The following CCSER1 variants were observed in gnomAD, a reference collection of about 807,000 sequenced individuals.
CCSER1 encodes serine-rich coiled-coil domain-containing protein 1.
Under a neutral mutation model 82.0 loss-of-function variants are expected in CCSER1, and 41 were observed. That is an observed-to-expected ratio of 0.50 (90% CI 0.39 to 0.65). The LOEUF is 0.65. Ranked by LOEUF, CCSER1 falls within the 30% of genes least tolerant of loss-of-function variation. CCSER1 has a pLI of 0.00. For missense variants in CCSER1, 1,119 were observed against 1,064.2 expected, an observed-to-expected ratio of 1.05 and a Z score of -0.72; for synonymous variants, 414 against 383.9, an observed-to-expected ratio of 1.08 and a Z score of -0.92.
rs1346669972 is a variant in CCSER1 at position 91,522,781 on chromosome 4, G to A, written c.2218-75791G>A. Among the ~76,000 whole-genome samples the A allele has an allele frequency of 5.3e-5, 8 of 152,150 alleles. No homozygotes were observed. In the South Asian group the frequency reaches 1.4e-3, roughly 28 times the overall value. On this transcript the variant is annotated intron_variant, in intron 10 of 10. Coordinates refer to ENST00000509176, the MANE Select transcript of CCSER1 (RefSeq NM_001145065.2). ...GCTTAAGGAGATTTTGGGCTGAGCTGATGGGGTTTTCTAAATATACAATCA... is the reference window on the plus strand; with the variant it reads ...GCTTAAGGAGATTTTGGGCTGAGCTAATGGGGTTTTCTAAATATACAATCA...
intron 7 of CCSER1, among the ~76,000 whole-genome samples, chr4:90,759,420 C>T (rs554712203): frequency 9.2e-5 from 14 of 152,032 alleles, no homozygotes; most frequent in South Asian, 2.1e-4. Flanking sequence ...ATAAATAAAA[C>T]GGGATTAAGA....
chr4:90,787,612 G>A (rs192647745), intron 7 of CCSER1, among the ~76,000 whole-genome samples: 10 of 152,256 alleles, frequency 6.6e-5, no homozygotes, highest in Admixed American at 4.6e-4. Flanking sequence ...AATGGAGATC[G>A]AGTATGTGTA....
At chr4:90,157,140 T>A (rs1362074550) in intron 1 of CCSER1, among the ~76,000 whole-genome samples, 1 of 152,180 alleles carries the variant, frequency 6.6e-6, no homozygotes, top group Non-Finnish European at 1.5e-5. Flanking sequence ...TGAAACTTAG[T>A]TTGGCTGGAT....
chr4:91,185,754 G>A (rs977586101), intron 10 of CCSER1, among the ~76,000 whole-genome samples: 13 of 152,062 alleles, frequency 8.5e-5, no homozygotes, highest in Non-Finnish European at 1.3e-4. Flanking sequence ...CCTATCTGGC[G>A]GCCTGACTCT....
chr4:90,622,317 C>T (rs889603829), intron 5 of CCSER1, among the ~76,000 whole-genome samples: 4 of 152,204 alleles, frequency 2.6e-5, no homozygotes, highest in Admixed American at 6.5e-5. Flanking sequence ...ATGTGCACAA[C>T]GTGCAGGTTT....
At chr4:91,545,824 T>C (rs1318425455) in intron 10 of CCSER1, among the ~76,000 whole-genome samples, 1 of 152,170 alleles carries the variant, frequency 6.6e-6, no homozygotes, top group Non-Finnish European at 1.5e-5. Flanking sequence ...AGTAAAATGT[T>C]GAAAACAGTG....
chr4:91,163,353 A>G (rs1213716648), intron 10 of CCSER1, among the ~76,000 whole-genome samples: 1 of 152,050 alleles, frequency 6.6e-6, no homozygotes, highest in Non-Finnish European at 1.5e-5. Flanking sequence ...ACTTCCACCT[A>G]TGTGGTCAAT....
chr4:90,308,613 A>G lies in CCSER1; in HGVS notation c.329A>G (p.Lys110Arg). 6.2e-7 allele frequency: 1 copy of G among 1,613,930 alleles called. No homozygotes were observed. The highest frequency in any genetic ancestry group is 8.5e-7 in the Non-Finnish European group (1 of 1,179,872). ...AAACTGAGTTTGGAAGAACATATTA[A>G]GACCAGGGGAAGACATTCTGTTGGT... ...MQKLSLEEHI[K>R]TRGRHSVGFS... The change falls in exon 2 of 11, where the codon AAG becomes AGG. Residue 110 changes from lysine (K) to arginine (R), a missense_variant. By Grantham distance (26) the Lys-to-Arg change is conservative. Coordinates refer to ENST00000509176, the MANE Select transcript of CCSER1 (RefSeq NM_001145065.2).
chr4:91,114,862 G>A (rs781446266), intron 10 of CCSER1, among the ~76,000 whole-genome samples: 6 of 152,068 alleles, frequency 3.9e-5, no homozygotes, highest in Non-Finnish European at 8.8e-5. Context: ...ATTTAAAATT[G>A]TACACTTATA....
chr4:90,597,416 A>G (rs1783471490), intron 5 of CCSER1, among the ~76,000 whole-genome samples: 1 of 152,068 alleles, frequency 6.6e-6, no homozygotes, highest in Non-Finnish European at 1.5e-5. Context: ...TGTGATTGGC[A>G]TACAATAAAC....
intron 5 of CCSER1, among the ~76,000 whole-genome samples, chr4:90,617,690 T>C (rs1721543504): frequency 6.6e-6 from 1 of 152,234 alleles, no homozygotes; most frequent in East Asian, 1.9e-4. Flanking sequence ...GATTGTAGTA[T>C]TTGTCTATGT....
At chr4:90,561,398 C>T (rs1329486443) in intron 5 of CCSER1, among the ~76,000 whole-genome samples, 2 of 152,214 alleles carry the variant, frequency 1.3e-5, no homozygotes, top group South Asian at 2.1e-4. Flanking sequence ...CAAGTGTTAA[C>T]TTTAATGTTT....
chr4:90,682,816 A>C (rs58107746), intron 6 of CCSER1, among the ~76,000 whole-genome samples: 1 of 152,040 alleles, frequency 6.6e-6, no homozygotes. Flanking sequence ...CAGATTTATT[A>C]ATCACTAAAT....
chr4:90,352,409 A>AT (rs934743944), intron 3 of CCSER1, among the ~76,000 whole-genome samples: 2 of 152,154 alleles, frequency 1.3e-5, no homozygotes, highest in Non-Finnish European at 2.9e-5. Flanking sequence ...GACACCTGTA[A>AT]TACTAGCACT....
intron 9 of CCSER1, among the ~76,000 whole-genome samples, chr4:90,964,198 G>C (rs1734313784): frequency 6.6e-6 from 1 of 152,122 alleles, no homozygotes; most frequent in African/African-American, 2.4e-5. Context: ...AATAGGTGCT[G>C]ATCACAACAT....
At chr4:90,673,980 T>G (rs2149165078) in intron 6 of CCSER1, among the ~76,000 whole-genome samples, 1 of 152,062 alleles carries the variant, frequency 6.6e-6, no homozygotes, top group African/African-American at 2.4e-5. Context: ...TTGAGTTAGG[T>G]CCTACCTTCC....
chr4:91,033,921 C>A (rs1432665989), intron 9 of CCSER1, among the ~76,000 whole-genome samples: 1 of 152,028 alleles, frequency 6.6e-6, no homozygotes, highest in Non-Finnish European at 1.5e-5. Context: ...TTTTGAGTTG[C>A]CTCTAAGTCC....
At chr4:90,881,756 A>G (rs1037424675) in intron 8 of CCSER1, among the ~76,000 whole-genome samples, 9 of 152,102 alleles carry the variant, frequency 5.9e-5, no homozygotes, top group Non-Finnish European at 1.2e-4. Flanking sequence ...CTGCACTCCA[A>G]GCTGGGTGAC....
rs1764884184 is a variant in CCSER1 at position 91,603,545 on chromosome 4, T to C, written c.*4488T>C. 6.6e-6 allele frequency: 1 copy of C among 152,094 alleles called. No homozygotes were observed. The highest frequency in any genetic ancestry group is 1.5e-5 in the Non-Finnish European group (1 of 68,000). The allele number at this position is 152,094 out of a possible 1,614,324, so 9.4% of individuals were successfully genotyped here. On this transcript the variant is annotated 3_prime_UTR_variant, in exon 11 of 11. Transcript: ENST00000509176. ...AGTAGGTTCCTTCCATTTGAGTAAG[T>C]GATCTAGAATATGGGATACCACGGT...
Sources: gnomAD v4.1 joint callset for allele counts (sites outside exome capture counted in the v4.1 genomes callset) on GRCh38, gnomAD v4.1.1 for gene constraint, MANE v1.5 for transcripts, NCBI Gene and HGNC (gene_info 2026-07-23, HGNC 2026-07-21) for gene names.